The following COG5 variants were observed in gnomAD, a reference collection of about 807,000 sequenced individuals.
COG5 encodes conserved oligomeric Golgi complex subunit 5.
COG5 carries 86 observed loss-of-function variants against 110.4 expected under a neutral mutation model. That is an observed-to-expected ratio of 0.78 (90% CI 0.65 to 0.93). COG5 has a LOEUF of 0.93. Ranked by LOEUF, COG5 falls within the 40% of genes least tolerant of loss-of-function variation. The pLI, the probability that COG5 is intolerant of heterozygous loss-of-function variation, is 0.00. For missense variants in COG5, 1,077 were observed against 987.0 expected (o/e 1.09, Z -1.22); for synonymous variants, 360 against 334.6 (o/e 1.08, Z -0.83).
chr7:107,279,794 G>T (rs193034888), intron 14 of COG5, among the ~76,000 whole-genome samples: 30 of 152,182 alleles, frequency 2.0e-4, no homozygotes, highest in Admixed American at 5.9e-4. Flanking sequence ...AAATGACAAT[G>T]ATTTTCTGTT....
intron 7 of COG5, among the ~76,000 whole-genome samples, chr7:107,403,897 C>A (rs1221569194): frequency 6.8e-6 from 1 of 146,126 alleles, no homozygotes; most frequent in Non-Finnish European, 1.5e-5. Flanking sequence ...AGTTAGGTGA[C>A]TCTATTATTA....
intron 12 of COG5, among the ~76,000 whole-genome samples, chr7:107,295,060 CACACACATATAT>C (rs1167453040): frequency 5.3e-4 from 30 of 56,374 alleles, no homozygotes; most frequent in Non-Finnish European, 7.4e-4. Context: ...CACACACACA[CACACACATATAT>C]ATATATATAT....
At chr7:107,218,772 C>T (rs1799697299) in intron 19 of COG5, among the ~76,000 whole-genome samples, 1 of 151,916 alleles carries the variant, frequency 6.6e-6, no homozygotes, top group Admixed American at 6.6e-5. Context: ...AGAAAGAAAA[C>T]ATAGGGGGAA....
At chr7:107,309,970 A>C (rs1808079088) in intron 11 of COG5, among the ~76,000 whole-genome samples, 1 of 152,186 alleles carries the variant, frequency 6.6e-6, no homozygotes, top group East Asian at 1.9e-4. Context: ...TAAAAATATA[A>C]GGAAAATGTA....
intron 6 of COG5, among the ~76,000 whole-genome samples, chr7:107,455,699 T>C (rs4727681): frequency 0.28 from 42,039 of 152,002 alleles, 5,845 homozygotes; most frequent in East Asian, 0.33. Flanking sequence ...CATAAATTTG[T>C]ATAGTTTATG....
chr7:107,209,147 T>C (rs1435223205), intron 21 of COG5: 1 of 985,386 alleles, frequency 1.0e-6, no homozygotes, highest in Non-Finnish European at 1.2e-6. Flanking sequence ...TGACACAGGC[T>C]AACAAAGGAT....
At chr7:107,345,432 G>C (rs1035049017) in intron 10 of COG5, among the ~76,000 whole-genome samples, 4 of 152,172 alleles carry the variant, frequency 2.6e-5, no homozygotes, top group Non-Finnish European at 4.4e-5. Flanking sequence ...TGCAGTATCT[G>C]TGTAGCACAA....
chr7:107,343,506 C>A (rs1041810498), intron 10 of COG5, among the ~76,000 whole-genome samples: 1 of 151,966 alleles, frequency 6.6e-6, no homozygotes, highest in African/African-American at 2.4e-5. Context: ...CATGGCAAAA[C>A]CCTATCTCTA....
At chr7:107,368,452 A>G (rs1292344875) in intron 8 of COG5, among the ~76,000 whole-genome samples, 4 of 152,012 alleles carry the variant, frequency 2.6e-5, no homozygotes, top group Non-Finnish European at 4.4e-5. Flanking sequence ...TGAGAGAGAG[A>G]GGGGCTGGTT....
chr7:107,438,852 T>C (rs1794529946), intron 6 of COG5, among the ~76,000 whole-genome samples: 2 of 152,210 alleles, frequency 1.3e-5, no homozygotes, highest in South Asian at 2.1e-4. Context: ...AACAGAAACT[T>C]GGCTCTCCTT....
chr7:107,557,745 G>A lies in COG5; in HGVS notation c.234+231C>T, dbSNP rs115194895. On this transcript the variant is annotated intron_variant, in intron 2 of 21. Transcript: ENST00000297135. Reference sequence around the variant, plus strand: ...CTATATTCGTTGCACATCAGTTAAGGTGGTGAACAGGAAGTATGAATGAAA... The same window carrying A: ...CTATATTCGTTGCACATCAGTTAAGATGGTGAACAGGAAGTATGAATGAAA... Among the ~76,000 whole-genome samples, 841 of 152,242 alleles carry A rather than the reference G, an allele frequency of 5.5e-3. 8 individuals carry two copies. Among genetic ancestry groups the A allele is most frequent in the African/African-American group, 0.019 (809 of 41,538 alleles).
At position 107,411,991 on chromosome 7, in the gene COG5, T is replaced by C. The variant is rs140370430; in HGVS notation, c.669+511A>G. Among the ~76,000 whole-genome samples, 1,497 of 152,174 alleles carry C rather than the reference T, an allele frequency of 9.8e-3. 15 individuals carry two copies. Among genetic ancestry groups the C allele is most frequent in the Non-Finnish European group, 0.016 (1,059 of 67,976 alleles). On this transcript the variant is annotated intron_variant, in intron 7 of 21. Coordinates refer to ENST00000297135, the MANE Select transcript of COG5 (RefSeq NM_006348.5). ...CAGGAAAATGATACCTTAGGAGAAA[T>C]GTCAAGTCAAAAATTTTTTAAATTA...
chr7:107,383,373 G>A (rs754983922), intron 7 of COG5, among the ~76,000 whole-genome samples: 1 of 152,112 alleles, frequency 6.6e-6, no homozygotes, highest in African/African-American at 2.4e-5. Context: ...AAGGCACAGC[G>A]CAGGTGAGCG....
intron 7 of COG5, among the ~76,000 whole-genome samples, chr7:107,386,019 T>C (rs987525663): frequency 6.8e-6 from 1 of 146,882 alleles, no homozygotes; most frequent in Non-Finnish European, 1.5e-5. Context: ...TGTGTGTGTG[T>C]GTGTGGTTGA....
intron 6 of COG5, chr7:107,471,595 A>G (rs1397262583): frequency 2.0e-5 from 3 of 152,066 alleles, no homozygotes; most frequent in Non-Finnish European, 4.4e-5. Context: ...AAAAAGAAAA[A>G]CAATATAACT....
At position 107,554,485 on chromosome 7, in the gene COG5, G is replaced by A. The variant is rs1326160328; in HGVS notation, c.235-143C>T. Reference sequence around the variant, plus strand: ...AAAAAACCACAGGTTTTTAAGGTGTGTCTGAGATGAGTTGTAAGCGGGAAC... The same window carrying A: ...AAAAAACCACAGGTTTTTAAGGTGTATCTGAGATGAGTTGTAAGCGGGAAC... On this transcript the variant is annotated intron_variant, in intron 2 of 21. Coordinates refer to ENST00000297135, the MANE Select transcript of COG5 (RefSeq NM_006348.5). The A allele has an allele frequency of 1.8e-5, 13 of 723,856 alleles. No individual in the cohort carries two copies. The East Asian group carries it at 2.4e-4, about 14-fold the overall frequency. 44.8% of individuals were successfully genotyped at this position (723,856 alleles called of 1,614,324 possible).
chr7:107,395,100 C>G (rs1162010667), intron 7 of COG5, among the ~76,000 whole-genome samples: 4 of 152,176 alleles, frequency 2.6e-5, no homozygotes, highest in African/African-American at 4.8e-5. Flanking sequence ...GAAAACCACA[C>G]AGAGATTTAA....
intron 7 of COG5, among the ~76,000 whole-genome samples, chr7:107,393,096 A>C (rs1790742435): frequency 6.6e-6 from 1 of 152,220 alleles, no homozygotes; most frequent in Admixed American, 6.5e-5. Flanking sequence ...ATTTTATTAC[A>C]GTTTAGGTCA....
chr7:107,402,201 C>A (rs1791485510), intron 7 of COG5, among the ~76,000 whole-genome samples: 1 of 152,112 alleles, frequency 6.6e-6, no homozygotes, highest in Admixed American at 6.5e-5. Flanking sequence ...AGTTGATAAG[C>A]ACCAGGACCC....
Sources: gnomAD v4.1 joint callset for allele counts (sites outside exome capture counted in the v4.1 genomes callset) on GRCh38, gnomAD v4.1.1 for gene constraint, MANE v1.5 for transcripts, NCBI Gene and HGNC (gene_info 2026-07-23, HGNC 2026-07-21) for gene names.